Variants in F13B observed in about 807,000 individuals in gnomAD.
F13B encodes TGase.
A neutral mutation model predicts 79.8 loss-of-function variants in F13B; 58 were observed. That is an observed-to-expected ratio of 0.73 (90% confidence interval 0.59 to 0.90). The LOEUF is 0.90. Ranked by LOEUF, F13B falls within the 40% of genes least tolerant of loss-of-function variation. The probability of loss-of-function intolerance (pLI) is 0.00; values close to 1 mark genes in which losing one functional copy is unlikely to be tolerated. For missense variants in F13B, 773 were observed against 777.0 expected (o/e 0.99, Z 0.06); for synonymous variants, 283 against 260.3 (o/e 1.09, Z -0.84).
At chr1:197,061,466 T>A (rs932579237) in intron 3 of F13B, among the ~76,000 whole-genome samples, 4 of 152,122 alleles carry the variant, frequency 2.6e-5, no homozygotes, top group Admixed American at 2.6e-4. Flanking sequence ...TATAAAATAA[T>A]GTACATGATC....
At chr1:197,058,111 T>G (rs557276747) in intron 5 of F13B, among the ~76,000 whole-genome samples, 1 of 152,338 alleles carries the variant, frequency 6.6e-6, no homozygotes, top group Admixed American at 6.5e-5. Context: ...TGTGGTGACA[T>G]TGTTACGCAC....
intron 5 of F13B, among the ~76,000 whole-genome samples, chr1:197,057,802 T>A (rs1426389771): frequency 6.6e-6 from 1 of 152,192 alleles, no homozygotes; most frequent in Admixed American, 6.5e-5. Flanking sequence ...GGCTACATCA[T>A]GAGCTTCCAA....
chr1:197,040,356 A>G (rs1654990095), intron 11 of F13B, 166 bp downstream of exon 11: 2 of 593,912 alleles, frequency 3.4e-6, no homozygotes, highest in Admixed American at 3.1e-5. Context: ...TGAATTGATT[A>G]CCACTTCCAG....
At chr1:197,041,513 G>A (rs1390703369) in intron 10 of F13B, among the ~76,000 whole-genome samples, 2 of 152,040 alleles carry the variant, frequency 1.3e-5, no homozygotes, top group African/African-American at 4.8e-5. Flanking sequence ...TAGCATTAAG[G>A]AATAACTTCT....
chr1:197,067,028 A>T (rs1656078217), intron 1 of F13B, 132 bp downstream of exon 1: 1 of 473,968 alleles, frequency 2.1e-6, no homozygotes, highest in African/African-American at 2.0e-5. Context: ...TATTATAAAA[A>T]GTTATATTTA....
At chr1:197,065,200 G>A (rs1242982813) in intron 1 of F13B, among the ~76,000 whole-genome samples, 3 of 152,116 alleles carry the variant, frequency 2.0e-5, no homozygotes, top group Non-Finnish European at 4.4e-5. Flanking sequence ...TCAGGGAGGG[G>A]CAGCAAAGTA....
chr1:197,039,275 G>T lies in F13B; in HGVS notation c.*103C>A. ...AAATAATTTAGATTCAAATATTTAA[G>T]CAAGGAAAAACTCCGAAGTTTTTAA... On this transcript the variant is annotated 3_prime_UTR_variant, in exon 12 of 12. Coordinates refer to ENST00000367412, the MANE Select transcript of F13B (RefSeq NM_001994.3). 2.2e-6 allele frequency: 2 copies of T among 928,444 alleles called. No individual in the cohort carries two copies. The highest frequency in any genetic ancestry group is 3.4e-6 in the Non-Finnish European group (2 of 581,108). 57.5% of individuals were successfully genotyped at this position (928,444 alleles called of 1,614,324 possible).
In F13B at chr1:197,040,483, CAAAAAAAATAATCTGACCA is replaced by C; in HGVS notation, c.1952+20_1952+38del. The C allele has an allele frequency of 7.0e-7, 1 of 1,438,418 alleles. No homozygotes were observed. The highest frequency in any genetic ancestry group is 9.7e-7 in the Non-Finnish European group (1 of 1,028,604). The allele number at this position is 1,438,418 out of a possible 1,614,324, so 89.1% of individuals were successfully genotyped here. A position where few individuals can be genotyped will look rare whatever the true frequency, so the allele number is the denominator to read the frequency against. ...CTGAAATGTTGAATAACAATCTGAC[CAAAAAAAATAATCTGACCA>C]AAAAAAAAAAACTTCTTACCTTTGT... On this transcript the variant is annotated intron_variant, in intron 11 of 11. Transcript: ENST00000367412.
intron 10 of F13B, among the ~76,000 whole-genome samples, chr1:197,041,423 T>C (rs1655033940): frequency 6.6e-6 from 1 of 152,152 alleles, no homozygotes; most frequent in Non-Finnish European, 1.5e-5. Flanking sequence ...AATAAAAACA[T>C]TAATATTTCT....
chr1:197,058,168 T>C (rs1156262070), intron 5 of F13B, among the ~76,000 whole-genome samples: 1 of 152,224 alleles, frequency 6.6e-6, no homozygotes, highest in Non-Finnish European at 1.5e-5. Flanking sequence ...TTACCTCTTT[T>C]AGTCCTAAAA....
intron 4 of F13B, 66 bp downstream of exon 4, chr1:197,060,833 T>C (rs1278599942): frequency 8.4e-6 from 12 of 1,427,242 alleles, no homozygotes; most frequent in South Asian, 4.6e-5. Flanking sequence ...TGACAACTTA[T>C]ATACACTTCT....
intron 1 of F13B, among the ~76,000 whole-genome samples, chr1:197,065,332 T>G (rs1003735042): frequency 5.9e-5 from 9 of 152,096 alleles, no homozygotes; most frequent in Admixed American, 2.0e-4. Flanking sequence ...AGAATATGAA[T>G]TCCTGACAAA....
intron 1 of F13B, among the ~76,000 whole-genome samples, chr1:197,063,428 A>G (rs929708157): frequency 1.3e-5 from 2 of 152,104 alleles, no homozygotes; most frequent in Non-Finnish European, 2.9e-5. Flanking sequence ...GGGCTTAAGC[A>G]AGCCTCCTCT....
chr1:197,065,431 C>G (rs1035851922), intron 1 of F13B, among the ~76,000 whole-genome samples: 1 of 151,850 alleles, frequency 6.6e-6, no homozygotes, highest in Non-Finnish European at 1.5e-5. Context: ...GTACATGAAG[C>G]GATGGACACA....
rs777598502 is a variant in F13B, at chr1:197,062,900, G to T, written c.222C>A (p.Thr74=). ...GAGACCAGCCTTCTGTTGTACACGT[G>T]GTTTGCTCTTCTTGTCTTCCACTTT... ...TTESGRQEEQ[T]TCTTEGWSPE... Residue 74 remains threonine, a synonymous_variant, in exon 2 of 12, where the codon ACC becomes ACA. Coordinates refer to ENST00000367412, the MANE Select transcript of F13B (RefSeq NM_001994.3). 1.9e-6 allele frequency: 3 copies of T among 1,613,688 alleles called. No individual in the cohort carries two copies. Among genetic ancestry groups the T allele is most frequent in the Non-Finnish European group, 2.5e-6 (3 of 1,179,818 alleles).
intron 1 of F13B, among the ~76,000 whole-genome samples, chr1:197,065,725 A>G (rs1057510464): frequency 6.6e-6 from 1 of 152,186 alleles, no homozygotes; most frequent in African/African-American, 2.4e-5. Flanking sequence ...TTATATTACA[A>G]TATTCATTCC....
chr1:197,041,706 T>C (rs1655042663), intron 10 of F13B, among the ~76,000 whole-genome samples: 1 of 152,180 alleles, frequency 6.6e-6, no homozygotes, highest in Non-Finnish European at 1.5e-5. Flanking sequence ...TTTTGGAACA[T>C]GTTTCTGTTC....
chr1:197,051,120 G>T (rs1208305522), intron 9 of F13B, among the ~76,000 whole-genome samples: 3 of 152,058 alleles, frequency 2.0e-5, no homozygotes, highest in Admixed American at 6.6e-5. Context: ...TGTTGCTCAG[G>T]TTGGTCTTGA....
At chr1:197,062,639 T>A (rs2125073818) in intron 2 of F13B, among the ~76,000 whole-genome samples, 1 of 152,262 alleles carries the variant, frequency 6.6e-6, no homozygotes, top group East Asian at 1.9e-4. Flanking sequence ...TTCAACAGAG[T>A]ATTATTAAAA....
Sources: allele counts gnomAD v4.1 joint callset (sites outside exome capture counted in the v4.1 genomes callset), GRCh38; gene constraint gnomAD v4.1.1; transcripts MANE v1.5; gene names NCBI Gene and HGNC (gene_info 2026-07-23, HGNC 2026-07-21).